The following CSMD1 variants were observed in gnomAD, a reference collection of about 807,000 sequenced individuals.
CSMD1 encodes CUB and Sushi multiple domains 1.
CSMD1 carries 213 observed loss-of-function variants against 417.5 expected under a neutral mutation model. The ratio of observed to expected loss-of-function variants is 0.51; its 90% CI spans 0.46 to 0.57. The LOEUF is 0.57. CSMD1 is among the 20% of genes least tolerant of loss of function. CSMD1 has a pLI of 0.00. For missense variants in CSMD1, 6,923 were observed against 4,529.7 expected, an observed-to-expected ratio of 1.53 and a Z score of -15.17; for synonymous variants, 2,862 against 1,736.8, an observed-to-expected ratio of 1.65 and a Z score of -16.11.
At chr8:4,198,701 T>C (rs1329781936) in intron 3 of CSMD1, among the ~76,000 whole-genome samples, 6 of 152,186 alleles carry the variant, frequency 3.9e-5, no homozygotes, top group Non-Finnish European at 8.8e-5. Context: ...ACTACATGGA[T>C]ACTAAGTGTA....
intron 1 of CSMD1, among the ~76,000 whole-genome samples, chr8:4,725,591 G>A (rs1450626185): frequency 6.6e-6 from 1 of 152,108 alleles, no homozygotes; most frequent in African/African-American, 2.4e-5. Flanking sequence ...GCAACATGGG[G>A]CGCGTCTCAA....
chr8:3,435,302 G>A (rs1264383416), intron 12 of CSMD1, among the ~76,000 whole-genome samples: 1 of 152,168 alleles, frequency 6.6e-6, no homozygotes, highest in Non-Finnish European at 1.5e-5. Context: ...ATTTCACTGG[G>A]AAAGATGAAG....
intron 7 of CSMD1, among the ~76,000 whole-genome samples, chr8:3,632,152 G>C (rs6996858): frequency 6.6e-6 from 1 of 151,968 alleles, no homozygotes; most frequent in Non-Finnish European, 1.5e-5. Flanking sequence ...AGAGAAAAGG[G>C]ATTTATTTTA....
At chr8:4,546,858 T>C (rs1480777218) in intron 2 of CSMD1, among the ~76,000 whole-genome samples, 7 of 152,042 alleles carry the variant, frequency 4.6e-5, no homozygotes, top group Admixed American at 4.6e-4. Flanking sequence ...CATATATATG[T>C]ATATCCTATC....
intron 3 of CSMD1, among the ~76,000 whole-genome samples, chr8:4,187,444 G>C (rs1366241975): frequency 2.6e-5 from 4 of 152,090 alleles, no homozygotes; most frequent in African/African-American, 4.8e-5. Context: ...GTCAGGAAGA[G>C]ACCAGCCTGA....
At chr8:3,754,906 G>A (rs183863858) in intron 5 of CSMD1, among the ~76,000 whole-genome samples, 2 of 152,302 alleles carry the variant, frequency 1.3e-5, no homozygotes, top group South Asian at 4.1e-4. Flanking sequence ...TTATGAGATT[G>A]ATGACAAGAA....
intron 8 of CSMD1, among the ~76,000 whole-genome samples, chr8:3,605,523 G>A (rs1363865012): frequency 6.6e-6 from 1 of 152,132 alleles, no homozygotes; most frequent in Non-Finnish European, 1.5e-5. Flanking sequence ...CTAGAAATGA[G>A]CAGTTGTTTA....
At chr8:3,406,701 T>A (rs564438000) in intron 14 of CSMD1, among the ~76,000 whole-genome samples, 1 of 152,228 alleles carries the variant, frequency 6.6e-6, no homozygotes, top group East Asian at 1.9e-4. Flanking sequence ...GAAACAATTA[T>A]TGTCCAATTC....
intron 12 of CSMD1, among the ~76,000 whole-genome samples, chr8:3,447,825 T>A (rs994592328): frequency 3.9e-5 from 6 of 152,152 alleles, no homozygotes; most frequent in African/African-American, 1.4e-4. Flanking sequence ...GGGGCCATTT[T>A]TGGGTTTGAG....
intron 49 of CSMD1, among the ~76,000 whole-genome samples, chr8:3,061,921 T>G (rs1393432423): frequency 6.6e-6 from 1 of 152,146 alleles, no homozygotes; most frequent in Non-Finnish European, 1.5e-5. Context: ...AACGGCTCTG[T>G]GAGGGGTCAG....
At chr8:4,371,868 G>A (rs772447100) in intron 3 of CSMD1, among the ~76,000 whole-genome samples, 17 of 152,188 alleles carry the variant, frequency 1.1e-4, no homozygotes, top group Non-Finnish European at 2.4e-4. Context: ...AAATATTTAC[G>A]ATTGTGGACT....
chr8:4,474,261 T>A lies in CSMD1; in HGVS notation c.303-54196A>T, dbSNP rs370711429. ...CACGAGACATAAATTTAAATTATGT[T>A]TATGTTTATAAATAGTTCAGCAAGG... is the stretch of plus-strand genomic sequence containing the variant. On this transcript the variant is annotated intron_variant, in intron 2 of 69. Transcript: ENST00000635120. Among the ~76,000 whole-genome samples, 219 of 152,228 alleles carry A rather than the reference T, an allele frequency of 1.4e-3. 1 individual carries two copies. Among genetic ancestry groups the A allele is most frequent in the African/African-American group, 5.0e-3 (207 of 41,530 alleles).
intron 41 of CSMD1, among the ~76,000 whole-genome samples, chr8:3,122,795 T>G (rs1054392529): frequency 7.2e-5 from 11 of 152,324 alleles, no homozygotes; most frequent in African/African-American, 2.6e-4. Flanking sequence ...CAACCTCTTT[T>G]TCTTCCCAGT....
chr8:3,593,792 A>G (rs73660323), intron 8 of CSMD1, among the ~76,000 whole-genome samples: 6,755 of 152,150 alleles, frequency 0.044, 493 homozygotes, highest in African/African-American at 0.15. Context: ...CTTATTATAT[A>G]TGGGTCATTC....
rs369927121 is a variant in CSMD1 at position 3,301,706 on chromosome 8, C to T, written c.3950+5989G>A. On this transcript the variant is annotated intron_variant, in intron 25 of 69. Transcript: ENST00000635120. ...GCAGCCAAAGATACACCTGGAAAGCCGCACTAAGCCAAATTCTAGAGGGTA... is the reference window on the plus strand; with the variant it reads ...GCAGCCAAAGATACACCTGGAAAGCTGCACTAAGCCAAATTCTAGAGGGTA... Among the ~76,000 whole-genome samples, 89 of 152,172 alleles carry T rather than the reference C, an allele frequency of 5.8e-4. No individual in the cohort carries two copies. In the South Asian group the frequency reaches 6.2e-3, roughly 11 times the overall value.
At chr8:4,176,631 T>G (rs1798060135) in intron 3 of CSMD1, among the ~76,000 whole-genome samples, 1 of 150,766 alleles carries the variant, frequency 6.6e-6, no homozygotes, top group African/African-American at 2.4e-5. Flanking sequence ...AGACACAGAC[T>G]GGCAAATTGG....
At chr8:3,954,921 C>T (rs972220781) in intron 5 of CSMD1, among the ~76,000 whole-genome samples, 1 of 152,140 alleles carries the variant, frequency 6.6e-6, no homozygotes, top group Non-Finnish European at 1.5e-5. Context: ...CATCTTTGTC[C>T]TTTAACACTT....
intron 3 of CSMD1, among the ~76,000 whole-genome samples, chr8:4,139,637 G>A (rs967483208): frequency 1.3e-5 from 2 of 151,136 alleles, no homozygotes; most frequent in African/African-American, 2.5e-5. Context: ...GGAATAGTGG[G>A]ACCAGCAGAT....
At chr8:3,234,308 C>T (rs1585736898) in intron 26 of CSMD1, among the ~76,000 whole-genome samples, 1 of 152,176 alleles carries the variant, frequency 6.6e-6, no homozygotes, top group Non-Finnish European at 1.5e-5. Flanking sequence ...ACTGTATTTT[C>T]AGCATATAAA....
Sources: gnomAD v4.1 joint callset for allele counts (sites outside exome capture counted in the v4.1 genomes callset) on GRCh38, gnomAD v4.1.1 for gene constraint, MANE v1.5 for transcripts, NCBI Gene and HGNC (gene_info 2026-07-23, HGNC 2026-07-21) for gene names.